Variants in BICRAL observed in about 807,000 individuals in gnomAD.
The protein encoded by BICRAL is BICRA like chromatin remodeling complex associated protein.
A neutral mutation model predicts 91.8 loss-of-function variants in BICRAL; 8 were observed. That is an observed-to-expected ratio of 0.09 (90% confidence interval 0.05 to 0.16). The LOEUF (loss-of-function observed/expected upper bound fraction) is 0.16. BICRAL is among the 10% of genes least tolerant of loss of function. The probability of loss-of-function intolerance (pLI) is 1.00; values close to 1 mark genes in which losing one functional copy is unlikely to be tolerated. For missense variants in BICRAL, 1,038 were observed against 1,310.9 expected (o/e 0.79, Z 3.21); for synonymous variants, 445 against 491.1 (o/e 0.91, Z 1.24).
chr6:42,810,719 C>T (rs1173888053), intron 2 of BICRAL, among the ~76,000 whole-genome samples: 4 of 152,166 alleles, frequency 2.6e-5, no homozygotes, highest in Non-Finnish European at 1.5e-5. Flanking sequence ...TTTGTTATTA[C>T]ATTTATGTCA....
In BICRAL at chr6:42,754,564, A is replaced by C. The variant is rs574016533; in HGVS notation, c.-261+7541A>C. ...TAAATACTCTTACTATGTGCAGTGG[A>C]CCCTATTTTCTATTCTATTTATTGC... On this transcript the variant is annotated intron_variant, in intron 1 of 14. Transcript: ENST00000614467. Among the ~76,000 whole-genome samples, 11 of 152,298 alleles carry C rather than the reference A, an allele frequency of 7.2e-5. No homozygotes were observed. In the South Asian group the frequency reaches 1.5e-3, roughly 20 times the overall value.
In BICRAL at chr6:42,845,198, T is replaced by G. The variant is rs1406277037; in HGVS notation, c.1840-6894T>G. On this transcript the variant is annotated intron_variant, in intron 6 of 12. Coordinates refer to ENST00000314073, the MANE Select transcript of BICRAL (RefSeq NM_001393499.1). ...CTCTGTTTTTTGTTTTTTGGGTGTT[T>G]TTTTTTTTTTTTTTTTTTTTTTTTT... Among the ~76,000 whole-genome samples the G allele has an allele frequency of 8.6e-4, 11 of 12,728 alleles. 1 individual carries two copies. Among genetic ancestry groups the G allele is most frequent in the South Asian group, 5.2e-3 (2 of 382 alleles). 8.4% of individuals were successfully genotyped at this position (12,728 alleles called of 152,430 possible).
intron 1 of BICRAL, among the ~76,000 whole-genome samples, chr6:42,786,321 C>G (rs551110515): frequency 3.1e-4 from 47 of 152,326 alleles, no homozygotes; most frequent in Non-Finnish European, 5.9e-4. Context: ...TTGGATACCT[C>G]TGTGCAGTCT....
chr6:42,836,809 A>G (rs759946227), intron 6 of BICRAL, among the ~76,000 whole-genome samples: 5 of 151,574 alleles, frequency 3.3e-5, no homozygotes, highest in Non-Finnish European at 5.9e-5. Context: ...TTTAGTAGAG[A>G]TGGGATTTCA....
At chr6:42,795,684 G>C (rs1324412164) in intron 1 of BICRAL, among the ~76,000 whole-genome samples, 1 of 152,120 alleles carries the variant, frequency 6.6e-6, no homozygotes, top group Non-Finnish European at 1.5e-5. Flanking sequence ...TAATGTATAT[G>C]CACCTTTAAA....
At chr6:42,806,291 A>C (rs12192935) in intron 1 of BICRAL, among the ~76,000 whole-genome samples, 1 of 152,150 alleles carries the variant, frequency 6.6e-6, no homozygotes, top group Admixed American at 6.5e-5. Context: ...CCCAGGGGCA[A>C]CTAGTAACCC....
At chr6:42,759,107 C>T (rs1405657971) in intron 1 of BICRAL, among the ~76,000 whole-genome samples, 2 of 152,184 alleles carry the variant, frequency 1.3e-5, no homozygotes, top group Non-Finnish European at 2.9e-5. Flanking sequence ...TTTCTTAAAG[C>T]TCCCCAGGTG....
chr6:42,754,661 G>A (rs908355978), intron 1 of BICRAL, among the ~76,000 whole-genome samples: 1 of 152,228 alleles, frequency 6.6e-6, no homozygotes, highest in Non-Finnish European at 1.5e-5. Flanking sequence ...GAAGGCTGGG[G>A]CAAAAGGATT....
intron 1 of BICRAL, among the ~76,000 whole-genome samples, chr6:42,791,031 TGCTGGGGGTG>T (rs1485588122): frequency 6.6e-6 from 1 of 152,034 alleles, no homozygotes; most frequent in Non-Finnish European, 1.5e-5. Context: ...GACTTGACTG[TGCTGGGGGTG>T]GCCTGCCCTT....
chr6:42,758,824 A>G (rs1412083974), intron 1 of BICRAL, among the ~76,000 whole-genome samples: 1 of 152,084 alleles, frequency 6.6e-6, no homozygotes, highest in Non-Finnish European at 1.5e-5. Flanking sequence ...AGTACCCACT[A>G]TGTTCTAGGC....
At chr6:42,757,692 A>T (rs1762483588) in intron 1 of BICRAL, among the ~76,000 whole-genome samples, 1 of 152,144 alleles carries the variant, frequency 6.6e-6, no homozygotes, top group African/African-American at 2.4e-5. Flanking sequence ...CAGCCTGTTA[A>T]CTCTTATGTG....
intron 1 of BICRAL, among the ~76,000 whole-genome samples, chr6:42,804,892 G>C (rs1763667222): frequency 6.6e-6 from 1 of 152,096 alleles, no homozygotes; most frequent in Non-Finnish European, 1.5e-5. Flanking sequence ...TAAAAAAATT[G>C]GGCCTCGCTA....
In BICRAL at chr6:42,812,275, A is replaced by G. The variant is rs577241331; in HGVS notation, c.-6+1874A>G. ...GGAGTATGAGACCAGCCTGGGCAAC[A>G]TGGTGAAACCCTGTATCTACAAAAA... is the stretch of plus-strand genomic sequence containing the variant. On this transcript the variant is annotated intron_variant, in intron 2 of 12. Transcript: ENST00000314073. Among the ~76,000 whole-genome samples, 12 of 152,298 alleles carry G rather than the reference A, an allele frequency of 7.9e-5. No individual in the cohort carries two copies. The South Asian group carries it at 1.9e-3, about 24-fold the overall frequency.
intron 1 of BICRAL, among the ~76,000 whole-genome samples, chr6:42,796,260 C>T (rs964860068): frequency 2.0e-5 from 3 of 152,076 alleles, no homozygotes; most frequent in African/African-American, 7.2e-5. Flanking sequence ...GGAAGATTGT[C>T]TGGTAGGTCA....
intron 1 of BICRAL, among the ~76,000 whole-genome samples, chr6:42,775,332 A>G (rs1171905182): frequency 3.3e-5 from 5 of 152,208 alleles, no homozygotes; most frequent in Non-Finnish European, 7.3e-5. Flanking sequence ...TGGGTGTTCT[A>G]TCTTAGAGAC....
At chr6:42,812,026 C>G (rs1763856309) in intron 2 of BICRAL, among the ~76,000 whole-genome samples, 1 of 152,134 alleles carries the variant, frequency 6.6e-6, no homozygotes, top group Admixed American at 6.6e-5. Flanking sequence ...TCAAAAATAT[C>G]CAACACCTGA....
At chr6:42,833,031 CTTGCTA>C (rs1264089769) in intron 6 of BICRAL, among the ~76,000 whole-genome samples, 3 of 149,914 alleles carry the variant, frequency 2.0e-5, no homozygotes, top group Non-Finnish European at 4.4e-5. Context: ...GAGATGGGAT[CTTGCTA>C]TGTTACCCAG....
In BICRAL at chr6:42,867,881, A is replaced by T. The variant is rs538253461; in HGVS notation, c.*2435A>T. 1.3e-5 allele frequency: 2 copies of T among 152,576 alleles called. No individual in the cohort carries two copies. The highest frequency in any genetic ancestry group is 4.8e-5 in the African/African-American group (2 of 41,572). The allele number at this position is 152,576 out of a possible 1,614,324, so 9.5% of individuals were successfully genotyped here. On this transcript the variant is annotated 3_prime_UTR_variant, in exon 13 of 13. Coordinates refer to ENST00000314073, the MANE Select transcript of BICRAL (RefSeq NM_001393499.1). Reference sequence around the variant, plus strand: ...GAGGAAGGATTCTAGATAATGACAAATGAAGATTATGACATGTATTTCACT... The same window carrying T: ...GAGGAAGGATTCTAGATAATGACAATTGAAGATTATGACATGTATTTCACT...
chr6:42,789,330 A>G (rs1167694375), intron 1 of BICRAL, among the ~76,000 whole-genome samples: 5 of 152,204 alleles, frequency 3.3e-5, no homozygotes, highest in Admixed American at 3.3e-4. Flanking sequence ...TAAATCTTAC[A>G]TATATTTTAC....
Sources: gnomAD v4.1 joint callset for allele counts (sites outside exome capture counted in the v4.1 genomes callset) on GRCh38, gnomAD v4.1.1 for gene constraint, MANE v1.5 for transcripts, NCBI Gene and HGNC (gene_info 2026-07-23, HGNC 2026-07-21) for gene names.